Variants in KANK1 observed in about 807,000 individuals in gnomAD.
KANK1 encodes KN motif and ankyrin repeat domains 1.
KANK1 carries 109 observed loss-of-function variants against 106.2 expected under a neutral mutation model. The observed-to-expected ratio is 1.03, with a 90% CI of 0.88 to 1.20. The LOEUF (loss-of-function observed/expected upper bound fraction) is 1.20. Ranked by LOEUF, KANK1 falls within the 50% of genes most tolerant of loss-of-function variation. KANK1 has a pLI of 0.00. For missense variants in KANK1, 2,399 were observed against 1,710.7 expected (o/e 1.40, Z -7.10); for synonymous variants, 873 against 652.2 (o/e 1.34, Z -5.16).
chr9:554,698 G>A (rs2061477143), intron 1 of KANK1, among the ~76,000 whole-genome samples: 1 of 152,146 alleles, frequency 6.6e-6, no homozygotes, highest in Non-Finnish European at 1.5e-5. Context: ...TCACTCATAG[G>A]AATGCTATGT....
intron 1 of KANK1, among the ~76,000 whole-genome samples, chr9:655,962 T>G (rs9408651): frequency 0.58 from 87,796 of 152,074 alleles, 28,362 homozygotes; most frequent in Non-Finnish European, 0.74. Context: ...GGATCTTGCC[T>G]TCTGGCTTCC....
intron 1 of KANK1, among the ~76,000 whole-genome samples, chr9:560,517 T>G (rs924751868): frequency 6.6e-6 from 1 of 152,206 alleles, no homozygotes; most frequent in African/African-American, 2.4e-5. Flanking sequence ...AGGGAGACTT[T>G]AGAGGCACAG....
chr9:660,046 A>G (rs914643596), intron 1 of KANK1: 4 of 381,756 alleles, frequency 1.0e-5, no homozygotes, highest in African/African-American at 6.3e-5. Context: ...TAAGGGTGAT[A>G]CCTGTCCTGC....
chr9:539,248 T>G (rs562875279), intron 1 of KANK1, among the ~76,000 whole-genome samples: 12 of 152,326 alleles, frequency 7.9e-5, no homozygotes, highest in African/African-American at 2.9e-4. Context: ...TTTGGGGCAT[T>G]TTGTAGTTCC....
intron 1 of KANK1, among the ~76,000 whole-genome samples, chr9:514,219 C>G (rs1171900429): frequency 1.1e-5 from 1 of 89,600 alleles, no homozygotes; most frequent in Non-Finnish European, 2.0e-5. Flanking sequence ...TCCCTCCCTC[C>G]CTTCCTCCCT....
intron 1 of KANK1, among the ~76,000 whole-genome samples, chr9:510,671 A>G (rs1462103074): frequency 6.6e-6 from 1 of 152,254 alleles, no homozygotes; most frequent in Non-Finnish European, 1.5e-5. Flanking sequence ...CTTCCTTACT[A>G]TTCTTTTTCT....
chr9:728,841 C>T (rs1001298825), intron 3 of KANK1, among the ~76,000 whole-genome samples: 1 of 152,206 alleles, frequency 6.6e-6, no homozygotes, highest in African/African-American at 2.4e-5. Context: ...ATCAGAGTAT[C>T]TTTGAATCTA....
In KANK1 at chr9:711,781, C is replaced by T. The variant is rs774054122; in HGVS notation, c.1015C>T (p.Arg339Ter). The T allele has an allele frequency of 8.1e-6, 13 of 1,614,058 alleles. No homozygotes were observed. The highest frequency in any genetic ancestry group is 1.7e-5 in the Admixed American group (1 of 60,012). Reference sequence around the variant, plus strand: ...CCAGCTGGAACAGCTCTCCCGGGCCCGAAGAAGTGGCGGGGAATTATACAT... The same window carrying T: ...CCAGCTGGAACAGCTCTCCCGGGCCTGAAGAAGTGGCGGGGAATTATACAT... ...ASQLEQLSRA[R>*]RSGGELYIDY... The change falls in exon 3 of 12, where the codon CGA (arginine) becomes TGA (stop). Residue 339 changes from arginine to a stop codon, truncating the protein, a stop_gained. Coordinates refer to ENST00000382297, the MANE Select transcript of KANK1 (RefSeq NM_015158.5). LOFTEE classifies it high-confidence loss of function.
At chr9:516,140 C>A (rs182403296) in intron 1 of KANK1, among the ~76,000 whole-genome samples, 1 of 151,590 alleles carries the variant, frequency 6.6e-6, no homozygotes, top group East Asian at 1.9e-4. Flanking sequence ...AAGGTACTTA[C>A]AGGTGTTGTT....
At position 712,369 on chromosome 9, in the gene KANK1, G is replaced by A; in HGVS notation, c.1603G>A (p.Asp535Asn). The stretch of plus-strand genomic sequence containing the variant: ...GGTCGGCAGTCACATGGACCTGGTG[G>A]ACACGTGTGTTGGGACCTCCGTGGA... ...QMVGSHMDLV[D>N]TCVGTSVETN... Residue 535 changes from aspartate (D) to asparagine (N), a missense_variant, in exon 3 of 12, where the codon GAC becomes AAC. Coordinates refer to ENST00000382297, the MANE Select transcript of KANK1 (RefSeq NM_015158.5). 6.2e-7 allele frequency: 1 copy of A among 1,614,192 alleles called. No individual in the cohort carries two copies. Among genetic ancestry groups the A allele is most frequent in the Non-Finnish European group, 8.5e-7 (1 of 1,180,038 alleles).
intron 1 of KANK1, among the ~76,000 whole-genome samples, chr9:543,498 G>A (rs2060735281): frequency 6.6e-6 from 1 of 150,854 alleles, no homozygotes. Flanking sequence ...AGTGGAGGTT[G>A]CAGTGAATCA....
Position 676,925 on chromosome 9 carries a change from GC to G in KANK1, c.-47del, listed in dbSNP as rs1816532591. The G allele has an allele frequency of 6.5e-7, 1 of 1,541,198 alleles. No individual in the cohort carries two copies. Among genetic ancestry groups the G allele is most frequent in the African/African-American group, 1.4e-5 (1 of 72,336 alleles). ...TTTGAGAACTTGATGCATAAAATTT[GC>G]ATGACTCCTCACTCCTTTCTGGATC... is the stretch of plus-strand genomic sequence containing the variant. On this transcript the variant is annotated 5_prime_UTR_variant, in exon 2 of 12. It introduces an in-frame stop codon into an upstream open reading frame of the 5' UTR. Coordinates refer to ENST00000382297, the MANE Select transcript of KANK1 (RefSeq NM_015158.5).
rs1289092800 is a variant in KANK1, at chr9:658,801, G to C, written c.-83-18089G>C. Among the ~76,000 whole-genome samples, 4 of 152,084 alleles carry C rather than the reference G, an allele frequency of 2.6e-5. No homozygotes were observed. The East Asian group carries it at 7.7e-4, about 29-fold the overall frequency. Reference sequence around the variant, plus strand: ...TGTCAAAAATCGCATAGGCACATCTGTGTGGGTCTATTTCTGGGCTGTATG... The same window carrying C: ...TGTCAAAAATCGCATAGGCACATCTCTGTGGGTCTATTTCTGGGCTGTATG... On this transcript the variant is annotated intron_variant, in intron 1 of 11. Coordinates refer to ENST00000382297, the MANE Select transcript of KANK1 (RefSeq NM_015158.5).
chr9:519,821 G>C (rs986135097), intron 1 of KANK1, among the ~76,000 whole-genome samples: 1 of 151,654 alleles, frequency 6.6e-6, no homozygotes, highest in Non-Finnish European at 1.5e-5. Flanking sequence ...AGACAAACAA[G>C]TCATTTAGAT....
intron 1 of KANK1, among the ~76,000 whole-genome samples, chr9:588,392 A>G (rs75704952): frequency 0.027 from 4,184 of 152,236 alleles, 202 homozygotes; most frequent in African/African-American, 0.096. Context: ...TTATTTCCTT[A>G]GGATAAATTG....
At chr9:718,133 A>G (rs1245055792) in intron 3 of KANK1, among the ~76,000 whole-genome samples, 3 of 152,096 alleles carry the variant, frequency 2.0e-5, no homozygotes, top group Non-Finnish European at 2.9e-5. Context: ...CTGTCTTAGC[A>G]CTTGGCTTCT....
intron 3 of KANK1, among the ~76,000 whole-genome samples, chr9:729,586 G>A (rs957136079): frequency 1.3e-5 from 2 of 152,206 alleles, no homozygotes; most frequent in African/African-American, 4.8e-5. Flanking sequence ...AGTTGCGGGG[G>A]TCAGCCAGTA....
At chr9:702,484 C>A (rs1822932356) in intron 2 of KANK1, among the ~76,000 whole-genome samples, 1 of 151,852 alleles carries the variant, frequency 6.6e-6, no homozygotes. Flanking sequence ...AAGTGAAGAT[C>A]CATAGAAAAC....
intron 1 of KANK1, among the ~76,000 whole-genome samples, chr9:617,347 G>C (rs78423966): frequency 6.6e-6 from 1 of 152,282 alleles, no homozygotes; most frequent in Non-Finnish European, 1.5e-5. Context: ...AATTGGTTAG[G>C]AGAAGGATTG....
Sources: allele counts gnomAD v4.1 joint callset (sites outside exome capture counted in the v4.1 genomes callset), GRCh38; gene constraint gnomAD v4.1.1; transcripts MANE v1.5; gene names NCBI Gene and HGNC (gene_info 2026-07-23, HGNC 2026-07-21).